HS3ST1: variants seen among roughly 807,000 people sequenced by gnomAD.
The protein encoded by HS3ST1 is heparan sulfate-glucosamine 3-sulfotransferase 1, also known as heparan sulfate glucosamine 3-O-sulfotransferase 1.
HS3ST1 carries 8 observed loss-of-function variants against 20.7 expected under a neutral mutation model. That is an observed-to-expected ratio of 0.39 (90% CI 0.23 to 0.70). The LOEUF is 0.70. Among genes scored for constraint, HS3ST1 ranks in the 30% least tolerant of loss-of-function variants. The pLI is 0.46. For synonymous variants in HS3ST1, 205 were observed against 190.4 expected (o/e 1.08, Z -0.63); for missense variants, 436 against 423.4 (o/e 1.03, Z -0.26).
At chr4:11,423,095 C>T (rs1384411554) in intron 1 of HS3ST1, among the ~76,000 whole-genome samples, 3 of 143,422 alleles carry the variant, frequency 2.1e-5, no homozygotes, top group Non-Finnish European at 4.5e-5. Flanking sequence ...ACAATTAAGG[C>T]ATCCTTACCA....
Position 11,398,660 on chromosome 4 carries a change from G to A in HS3ST1, c.*422C>T, listed in dbSNP as rs1370256836. ...AGAGCAATGCAGAAAGGAGAGGGGA[G>A]AGAGAGGATTGTAATAGCCATGAAA... On this transcript the variant is annotated 3_prime_UTR_variant, in exon 2 of 2. Coordinates refer to ENST00000002596, the MANE Select transcript of HS3ST1 (RefSeq NM_005114.4). The A allele has an allele frequency of 6.5e-6, 1 of 153,764 alleles. No homozygotes were observed. Among genetic ancestry groups the A allele is most frequent in the Non-Finnish European group, 1.4e-5 (1 of 69,210 alleles). The allele number at this position is 153,764 out of a possible 1,614,324, so 9.5% of individuals were successfully genotyped here.
At chr4:11,415,013 AAC>A (rs1718735195) in intron 1 of HS3ST1, among the ~76,000 whole-genome samples, 1 of 152,318 alleles carries the variant, frequency 6.6e-6, no homozygotes, top group East Asian at 1.9e-4. Context: ...TTTGGAAACA[AAC>A]ACTGCCAATC....
In HS3ST1 at chr4:11,399,480, C is replaced by G. The variant is rs370737240; in HGVS notation, c.526G>C (p.Glu176Gln). The G allele has an allele frequency of 4.3e-6, 7 of 1,613,988 alleles. No individual in the cohort carries two copies. Among genetic ancestry groups the G allele is most frequent in the Non-Finnish European group, 5.9e-6 (7 of 1,180,004 alleles). Reference sequence around the variant, plus strand: ...AGCCTGCCATCGCGCACCAGGAACTCCTCGATGGACGGGTAGGGCTTGTGC... The same window carrying G: ...AGCCTGCCATCGCGCACCAGGAACTGCTCGATGGACGGGTAGGGCTTGTGC... ...QKHKPYPSIE[E>Q]FLVRDGRLNV... is the part of the protein sequence containing the mutation. The change falls in exon 2 of 2, where the codon GAG (glutamate) becomes CAG (glutamine). Residue 176 changes from glutamate to glutamine, a missense_variant. Coordinates refer to ENST00000002596, the MANE Select transcript of HS3ST1 (RefSeq NM_005114.4). This position sits in a 1 kb window ranked among gnomAD's most constrained non-coding sequence, Gnocchi z 5.1.
chr4:11,418,911 C>T (rs545065540), intron 1 of HS3ST1, among the ~76,000 whole-genome samples: 1 of 152,210 alleles, frequency 6.6e-6, no homozygotes, highest in Non-Finnish European at 1.5e-5. Flanking sequence ...TGGAACACTA[C>T]AGTTTCTATG....
intron 1 of HS3ST1, among the ~76,000 whole-genome samples, chr4:11,419,021 C>A (rs111411763): frequency 6.6e-6 from 1 of 152,054 alleles, no homozygotes; most frequent in African/African-American, 2.4e-5. Flanking sequence ...GGTCTGGCTG[C>A]GTTGGGGTTT....
intron 1 of HS3ST1, among the ~76,000 whole-genome samples, chr4:11,410,599 G>C (rs1004090392): frequency 6.6e-6 from 1 of 152,138 alleles, no homozygotes. Flanking sequence ...AATTTAGAAA[G>C]AGGGTAGAGG....
intron 1 of HS3ST1, among the ~76,000 whole-genome samples, chr4:11,404,844 C>G (rs1384253070): frequency 1.3e-5 from 2 of 152,224 alleles, no homozygotes; most frequent in African/African-American, 4.8e-5. Context: ...AGGCACTAGA[C>G]TGGCAACTTT....
chr4:11,412,442 G>A (rs1293817021), intron 1 of HS3ST1, among the ~76,000 whole-genome samples: 3 of 152,134 alleles, frequency 2.0e-5, no homozygotes, highest in African/African-American at 4.8e-5. Flanking sequence ...CAAGAGCCAC[G>A]GAATCCAAAA....
intron 1 of HS3ST1, among the ~76,000 whole-genome samples, chr4:11,428,202 A>AT (rs1719113666): frequency 6.6e-6 from 1 of 152,220 alleles, no homozygotes; most frequent in Non-Finnish European, 1.5e-5. Flanking sequence ...CTCCAACCAA[A>AT]TGCAAAGGCA....
At chr4:11,430,459 T>G (rs113345799), upstream of HS3ST1, among the ~76,000 whole-genome samples, 1 of 152,184 alleles carries the variant, frequency 6.6e-6, no homozygotes, top group Non-Finnish European at 1.5e-5. Flanking sequence ...AAGTCTAAGA[T>G]AAAGTTCTGC....
intron 1 of HS3ST1, among the ~76,000 whole-genome samples, chr4:11,413,435 C>G (rs1477751479): frequency 6.6e-6 from 1 of 152,086 alleles, no homozygotes; most frequent in Admixed American, 6.5e-5. Flanking sequence ...GTCTAGTTTC[C>G]TGGTTTGTGC....
chr4:11,422,316 A>G (rs960882342), intron 1 of HS3ST1, among the ~76,000 whole-genome samples: 6 of 152,196 alleles, frequency 3.9e-5, no homozygotes, highest in Non-Finnish European at 8.8e-5. Context: ...TTTTCTGAGC[A>G]ATACACTGTT....
chr4:11,418,694 C>T (rs1718850696), intron 1 of HS3ST1, among the ~76,000 whole-genome samples: 2 of 152,190 alleles, frequency 1.3e-5, no homozygotes, highest in African/African-American at 2.4e-5. Context: ...AGGAGGAAGG[C>T]CAGGATACAC....
chr4:11,396,407 A>G lies in HS3ST1; in HGVS notation c.*2675T>C, dbSNP rs1003665376. 2.6e-5 allele frequency: 4 copies of G among 152,268 alleles called. No homozygotes were observed. Among genetic ancestry groups the G allele is most frequent in the African/African-American group, 9.7e-5 (4 of 41,428 alleles). The allele number at this position is 152,268 out of a possible 1,614,324, so 9.4% of individuals were successfully genotyped here. On this transcript the variant is annotated 3_prime_UTR_variant, in exon 2 of 2. Transcript: ENST00000002596. ...TGCCTCTCTGGAAGGACCCACCTAGATCCCCCAGGCTGCTCCCGGGCCGGG... is the reference window on the plus strand; with the variant it reads ...TGCCTCTCTGGAAGGACCCACCTAGGTCCCCCAGGCTGCTCCCGGGCCGGG...
chr4:11,424,976 A>G (rs533698842), intron 1 of HS3ST1, among the ~76,000 whole-genome samples: 19 of 152,236 alleles, frequency 1.2e-4, no homozygotes, highest in African/African-American at 4.3e-4. Context: ...CACTACAAGC[A>G]CGACTGTAGA....
intron 1 of HS3ST1, among the ~76,000 whole-genome samples, chr4:11,424,535 C>A (rs538285274): frequency 1.3e-5 from 2 of 152,186 alleles, no homozygotes; most frequent in South Asian, 4.1e-4. Flanking sequence ...AAAGGGAATT[C>A]ACTTGAAGAC....
chr4:11,424,314 A>G (rs1577449430), intron 1 of HS3ST1, among the ~76,000 whole-genome samples: 1 of 152,238 alleles, frequency 6.6e-6, no homozygotes, highest in South Asian at 2.1e-4. Flanking sequence ...TTGGAAGAAT[A>G]ATGTATTCAT....
intron 1 of HS3ST1, among the ~76,000 whole-genome samples, chr4:11,410,516 A>C (rs1319268573): frequency 6.6e-6 from 1 of 152,232 alleles, no homozygotes; most frequent in Non-Finnish European, 1.5e-5. Context: ...TGGGGAGCAC[A>C]GGCCATGGCA....
chr4:11,417,046 T>C (rs78034832), intron 1 of HS3ST1, among the ~76,000 whole-genome samples: 1 of 152,126 alleles, frequency 6.6e-6, no homozygotes, highest in Non-Finnish European at 1.5e-5. Flanking sequence ...TTATGAGGTA[T>C]GTATACAGAA....
Sources: allele counts gnomAD v4.1 joint callset (sites outside exome capture counted in the v4.1 genomes callset), GRCh38; gene constraint gnomAD v4.1.1; non-coding constraint Gnocchi (gnomAD v3.1); transcripts MANE v1.5; gene names NCBI Gene and HGNC (gene_info 2026-07-23, HGNC 2026-07-21).